Variants in PRDM16 observed in about 807,000 individuals in gnomAD.
PRDM16 encodes PR/SET domain 16.
PRDM16 carries 23 observed loss-of-function variants against 110.6 expected under a neutral mutation model. The ratio of observed to expected loss-of-function variants is 0.21; its 90% CI spans 0.15 to 0.29. The LOEUF is 0.29. PRDM16 is among the 10% of genes least tolerant of loss of function. The pLI, the probability that PRDM16 is intolerant of heterozygous loss-of-function variation, is 1.00. For missense variants in PRDM16, 1,615 were observed against 1,794.3 expected (o/e 0.90, Z 1.81); for synonymous variants, 799 against 781.8 (o/e 1.02, Z -0.37).
In PRDM16 at chr1:3,274,368, C is replaced by T. The variant is rs958437923; in HGVS notation, c.438+30231C>T. On this transcript the variant is annotated intron_variant, in intron 3 of 16. Transcript: ENST00000270722. ...AGTCACATTTCTCTCCCCTTGCTGG[C>T]GACCAGATTTCATAAAGTAACATAT... is the stretch of plus-strand genomic sequence containing the variant. Among the ~76,000 whole-genome samples the T allele has an allele frequency of 9.9e-5, 15 of 152,108 alleles. No homozygotes were observed. In the East Asian group the frequency reaches 1.4e-3, roughly 14 times the overall value.
At chr1:3,141,178 C>T (rs768877847) in intron 1 of PRDM16, among the ~76,000 whole-genome samples, 10 of 152,298 alleles carry the variant, frequency 6.6e-5, no homozygotes, top group South Asian at 4.2e-4. Flanking sequence ...AACCATCCTC[C>T]GTCCGCCCGC....
chr1:3,270,360 G>A (rs1005549147), intron 3 of PRDM16, among the ~76,000 whole-genome samples: 3 of 139,052 alleles, frequency 2.2e-5, no homozygotes, highest in East Asian at 2.0e-4. Flanking sequence ...AGTCCCGGAG[G>A]AGGACAGTCA....
At chr1:3,268,291 G>T (rs2455119) in intron 3 of PRDM16, among the ~76,000 whole-genome samples, 53,766 of 152,152 alleles carry the variant, frequency 0.35, 13,337 homozygotes, top group African/African-American at 0.69. Flanking sequence ...TCTTTGTCAG[G>T]CTCCGAGCAA....
Position 3,298,802 on chromosome 1 carries a change from C to T in PRDM16, c.438+54665C>T, listed in dbSNP as rs575917773. Among the ~76,000 whole-genome samples the T allele has an allele frequency of 2.0e-5, 3 of 152,286 alleles. No individual in the cohort carries two copies. The East Asian group carries it at 5.8e-4, about 29-fold the overall frequency. On this transcript the variant is annotated intron_variant, in intron 3 of 16. Coordinates refer to ENST00000270722, the MANE Select transcript of PRDM16 (RefSeq NM_022114.4). ...GAGTCGTAGACCAAGGGGCCGTAGA[C>T]CAAGGGGCTGTCTCATGCTTCTCCA... is the stretch of plus-strand genomic sequence containing the variant.
At chr1:3,103,474 C>T (rs1642578392) in intron 1 of PRDM16, among the ~76,000 whole-genome samples, 1 of 152,220 alleles carries the variant, frequency 6.6e-6, no homozygotes, top group Non-Finnish European at 1.5e-5. Context: ...TGAGGGGACC[C>T]AGTGCCCTTC....
intron 3 of PRDM16, among the ~76,000 whole-genome samples, chr1:3,247,739 C>G (rs1639821663): frequency 6.6e-6 from 1 of 152,242 alleles, no homozygotes; most frequent in African/African-American, 2.4e-5. Flanking sequence ...TATGCGTGCC[C>G]TCGCCGTCCC....
At position 3,338,354 on chromosome 1, in the gene PRDM16, C is replaced by T. The variant is rs1642203889; in HGVS notation, c.439-46798C>T. On this transcript the variant is annotated intron_variant, in intron 3 of 16. Transcript: ENST00000270722. Reference sequence around the variant, plus strand: ...TCCTCTGGGGCCCAATTCGAGGCCCCAGGACATTTGGCCTCTAGGCTTATC... The same window carrying T: ...TCCTCTGGGGCCCAATTCGAGGCCCTAGGACATTTGGCCTCTAGGCTTATC... 2.0e-5 allele frequency among the ~76,000 whole-genome samples: 3 copies of T among 152,356 alleles called. No homozygotes were observed. The South Asian group carries it at 6.2e-4, about 32-fold the overall frequency.
intron 3 of PRDM16, among the ~76,000 whole-genome samples, chr1:3,267,604 A>C (rs1640324974): frequency 6.6e-6 from 1 of 152,226 alleles, no homozygotes; most frequent in Non-Finnish European, 1.5e-5. Context: ...ACCATTTCAC[A>C]TCCCGGGGTG....
chr1:3,396,644 G>C (rs1195638802), intron 5 of PRDM16, 51 bp downstream of exon 5: 2 of 748,608 alleles, frequency 2.7e-6, no homozygotes. Context: ...CCCCCAGCCA[G>C]CCCGGAAGAG....
At chr1:3,116,122 A>G (rs1190237100) in intron 1 of PRDM16, among the ~76,000 whole-genome samples, 1 of 152,186 alleles carries the variant, frequency 6.6e-6, no homozygotes, top group East Asian at 1.9e-4. Context: ...AGGGAGGTCA[A>G]GGTCAGGCCT....
rs376753108 is a variant in PRDM16, at chr1:3,259,320, G to A, written c.438+15183G>A. Among the ~76,000 whole-genome samples the A allele has an allele frequency of 7.7e-4, 118 of 152,294 alleles. 1 individual carries two copies. The South Asian group carries it at 0.017, about 21-fold the overall frequency. On this transcript the variant is annotated intron_variant, in intron 3 of 16. Transcript: ENST00000270722. ...GCTGGGGAGACATCGCCTGGGCCTCGTTCACCATGATGACTGTGCCTGGGC... is the reference window on the plus strand; with the variant it reads ...GCTGGGGAGACATCGCCTGGGCCTCATTCACCATGATGACTGTGCCTGGGC...
chr1:3,262,677 G>A (rs890098601), intron 3 of PRDM16, among the ~76,000 whole-genome samples: 6 of 152,194 alleles, frequency 3.9e-5, no homozygotes, highest in Non-Finnish European at 7.3e-5. Flanking sequence ...AAATCCCACA[G>A]GACACACATG....
chr1:3,165,431 A>G (rs1460910969), intron 1 of PRDM16, among the ~76,000 whole-genome samples: 16 of 128,838 alleles, frequency 1.2e-4, no homozygotes, highest in African/African-American at 4.7e-4. Context: ...GCTCAGGGAC[A>G]GTGACTCACC....
intron 1 of PRDM16, among the ~76,000 whole-genome samples, chr1:3,082,769 T>C (rs1002058117): frequency 6.6e-6 from 1 of 152,204 alleles, no homozygotes; most frequent in Non-Finnish European, 1.5e-5. Context: ...TGAGCTCAGC[T>C]TTGCCCGCTT....
rs1643277173 is a variant in PRDM16, at chr1:3,390,328, G to T, written c.573+5042G>T. Among the ~76,000 whole-genome samples the T allele has an allele frequency of 6.6e-6, 1 of 152,188 alleles. No homozygotes were observed. The highest frequency in any genetic ancestry group is 2.1e-4 in the South Asian group (1 of 4,828). ...TGAGGTCAAACACAAATGTCGGGGA[G>T]CTGGACTCAGGGGTGCGGGCCCCCC... On this transcript the variant is annotated intron_variant, in intron 4 of 16. Coordinates refer to ENST00000270722, the MANE Select transcript of PRDM16 (RefSeq NM_022114.4). The surrounding 1 kb of genome is among the most constrained non-coding windows in gnomAD (Gnocchi z 5.0).
chr1:3,235,373 G>A (rs1256746493), intron 2 of PRDM16, among the ~76,000 whole-genome samples: 1 of 152,272 alleles, frequency 6.6e-6, no homozygotes, highest in South Asian at 2.1e-4. Flanking sequence ...GCCATTGATC[G>A]CGAGGGCCAC....
At chr1:3,189,104 G>T (rs1638227347) in intron 2 of PRDM16, among the ~76,000 whole-genome samples, 1 of 152,200 alleles carries the variant, frequency 6.6e-6, no homozygotes, top group Admixed American at 6.5e-5. Flanking sequence ...TCTTCCTCTT[G>T]CCGACTGCCT....
rs187824437 is a variant in PRDM16, at chr1:3,121,035, C to G, written c.37+51739C>G. Among the ~76,000 whole-genome samples the G allele has an allele frequency of 4.4e-4, 67 of 152,320 alleles. 1 individual carries two copies. The highest frequency in any genetic ancestry group is 3.6e-3 in the Admixed American group (55 of 15,310). ...GAATCTTGTGCTGGGACAAGGTGAG[C>G]GTGTGGTTTCTCCCCCTTTCTTTCT... On this transcript the variant is annotated intron_variant, in intron 1 of 16. Transcript: ENST00000270722.
chr1:3,275,220 G>A (rs558239013), intron 3 of PRDM16, among the ~76,000 whole-genome samples: 50 of 152,380 alleles, frequency 3.3e-4, no homozygotes, highest in Admixed American at 1.1e-3. Context: ...ATGAACCTGA[G>A]TTTGCCAGAA....
Sources: allele counts gnomAD v4.1 joint callset (sites outside exome capture counted in the v4.1 genomes callset), GRCh38; gene constraint gnomAD v4.1.1; non-coding constraint Gnocchi (gnomAD v3.1); transcripts MANE v1.5; gene names NCBI Gene and HGNC (gene_info 2026-07-23, HGNC 2026-07-21).